Variants in MAJIN observed in about 807,000 individuals in gnomAD.
MAJIN encodes the protein membrane-anchored junction protein.
Under a neutral mutation model 30.2 loss-of-function variants are expected in MAJIN, and 27 were observed. That is an observed-to-expected ratio of 0.89 (90% CI 0.66 to 1.23). The LOEUF is 1.23. Ranked by LOEUF, MAJIN falls within the 50% of genes most tolerant of loss-of-function variation. The probability of loss-of-function intolerance (pLI) is 0.00; values close to 1 mark genes in which losing one functional copy is unlikely to be tolerated. For synonymous variants in MAJIN, 78 were observed against 91.6 expected (o/e 0.85, Z 0.85); for missense variants, 253 against 260.3 (o/e 0.97, Z 0.19).
chr11:64,939,692 C>T lies in MAJIN; in HGVS notation c.622G>A (p.Glu208Lys), dbSNP rs768291200. The T allele has an allele frequency of 2.8e-5, 45 of 1,613,864 alleles. No homozygotes were observed. The highest frequency in any genetic ancestry group is 2.5e-4 in the East Asian group (11 of 44,880). ...AAACCCAAAGAAGCCGGTGGCTGCT[C>T]GCTCCTTAGGTGGAGGTGAGTTGTG... ...CSTTHLHLRSEQPPASLGF is the reference protein window; with the variant it reads ...CSTTHLHLRSKQPPASLGF The change falls in exon 10 of 11, where the codon GAG (glutamate) becomes AAG (lysine). Residue 208 changes from glutamate to lysine, a missense_variant. Transcript: ENST00000301896.
chr11:64,962,998 G>A (rs1355133743), intron 1 of MAJIN, among the ~76,000 whole-genome samples: 8 of 152,074 alleles, frequency 5.3e-5, no homozygotes, highest in Non-Finnish European at 1.2e-4. Flanking sequence ...GTGGTGGGGG[G>A]CACCTGCAAT....
Position 64,959,440 on chromosome 11 carries a change from A to C in MAJIN, c.-17-18T>G, listed in dbSNP as rs1406057166. 6.4e-7 allele frequency: 1 copy of C among 1,572,618 alleles called. No homozygotes were observed. ...ACGATAGCCTAAATAAAATAGAAAG[A>C]GAATTACTAAAAAGCTAACGATTGT... On this transcript the variant is annotated intron_variant, in intron 2 of 10. Coordinates refer to ENST00000301896, the MANE Select transcript of MAJIN (RefSeq NM_001037225.3).
chr11:64,947,084 TAGTA>T (rs1808966975), intron 8 of MAJIN, among the ~76,000 whole-genome samples: 1 of 152,360 alleles, frequency 6.6e-6, no homozygotes, highest in African/African-American at 2.4e-5. Flanking sequence ...GATATTAACA[TAGTA>T]AGTATTATTG....
intron 1 of MAJIN, among the ~76,000 whole-genome samples, chr11:64,961,466 A>T (rs1362966006): frequency 1.3e-3 from 96 of 74,770 alleles, no homozygotes; most frequent in East Asian, 3.1e-3. Context: ...TGTGCCCGGC[A>T]ATTTTTTTTT....
In MAJIN at chr11:64,969,346, G is replaced by T. The variant is rs546105740; in HGVS notation, c.-65+2531C>A. Reference sequence around the variant, plus strand: ...GTGAAACTACTGGAATAGATGATGAGATCATCCAGGAAGAAATTATAGAGA... The same window carrying T: ...GTGAAACTACTGGAATAGATGATGATATCATCCAGGAAGAAATTATAGAGA... On this transcript the variant is annotated intron_variant, in intron 1 of 10. Coordinates refer to ENST00000301896, the MANE Select transcript of MAJIN (RefSeq NM_001037225.3). Among the ~76,000 whole-genome samples the T allele has an allele frequency of 3.6e-4, 55 of 151,926 alleles. No individual in the cohort carries two copies. The South Asian group carries it at 0.011, about 31-fold the overall frequency.
intron 1 of MAJIN, among the ~76,000 whole-genome samples, chr11:64,961,567 C>T (rs1945726519): frequency 6.7e-6 from 1 of 149,292 alleles, no homozygotes; most frequent in South Asian, 2.1e-4. Context: ...GCTCCACCTC[C>T]CAGGTTCACG....
chr11:64,965,223 C>T (rs1292041876), intron 1 of MAJIN, among the ~76,000 whole-genome samples: 1 of 152,156 alleles, frequency 6.6e-6, no homozygotes, highest in Non-Finnish European at 1.5e-5. Context: ...TAAAATGCCA[C>T]TTGTGCAGGA....
intron 3 of MAJIN, among the ~76,000 whole-genome samples, chr11:64,957,554 C>A (rs988698801): frequency 6.6e-6 from 1 of 152,112 alleles, no homozygotes; most frequent in East Asian, 1.9e-4. Context: ...CAGGTCTGCA[C>A]CACCATGCTC....
chr11:64,940,890 G>A (rs1401730406), intron 8 of MAJIN, among the ~76,000 whole-genome samples: 3 of 137,740 alleles, frequency 2.2e-5, no homozygotes, highest in East Asian at 4.4e-4. Context: ...CCAGGCTGGA[G>A]TGCAGTGGCG....
chr11:64,950,590 CTTT>C (rs1945537263), intron 4 of MAJIN, among the ~76,000 whole-genome samples, 160 bp from the exon 5 acceptor site: 4 of 151,900 alleles, frequency 2.6e-5, no homozygotes, highest in Non-Finnish European at 5.9e-5. Flanking sequence ...TTCTTTCTTT[CTTT>C]CTTTTTTTGA....
intron 3 of MAJIN, among the ~76,000 whole-genome samples, 183 bp from the exon 4 acceptor site, chr11:64,954,985 T>C (rs2136776301): frequency 6.6e-6 from 1 of 152,334 alleles, no homozygotes; most frequent in Admixed American, 6.5e-5. Flanking sequence ...GTCTGAACAT[T>C]GGTATAAAAT....
chr11:64,945,345 G>A (rs1206692), intron 8 of MAJIN, among the ~76,000 whole-genome samples: 5 of 151,994 alleles, frequency 3.3e-5, no homozygotes, highest in African/African-American at 9.6e-5. Context: ...GCGACAGAGC[G>A]AGACTGTGTC....
chr11:64,954,767 TG>T lies in MAJIN; in HGVS notation c.136del (p.Gln46ArgfsTer40). ...TGCTTCTTTCCCTACCTCCAGCTCC[TG>T]GGTGATGACTTCCTTATTTTCTATC... ...EEIENKEVIT[Q>X]ELEDSVRVVL... On this transcript the variant is annotated frameshift_variant, in exon 4 of 11. Transcript: ENST00000301896. LOFTEE classifies it high-confidence loss of function. 1 of 1,613,752 alleles carries T rather than the reference TG, an allele frequency of 6.2e-7. No homozygotes were observed. The highest frequency in any genetic ancestry group is 8.5e-7 in the Non-Finnish European group (1 of 1,179,786).
chr11:64,953,763 C>T (rs1198247757), intron 4 of MAJIN, among the ~76,000 whole-genome samples: 1 of 152,088 alleles, frequency 6.6e-6, no homozygotes, highest in East Asian at 1.9e-4. Context: ...TGCACTCCAG[C>T]CTGGTGACAG....
chr11:64,953,775 G>A (rs1945591088), intron 4 of MAJIN, among the ~76,000 whole-genome samples: 1 of 152,140 alleles, frequency 6.6e-6, no homozygotes, highest in Admixed American at 6.6e-5. Flanking sequence ...TGGTGACAGA[G>A]CGAAACTCCA....
intron 6 of MAJIN, among the ~76,000 whole-genome samples, chr11:64,948,813 C>T (rs1252044213): frequency 6.8e-6 from 1 of 147,812 alleles, no homozygotes; most frequent in Non-Finnish European, 1.5e-5. Flanking sequence ...CACACCACCA[C>T]GCCTGGCTAA....
intron 1 of MAJIN, among the ~76,000 whole-genome samples, chr11:64,969,798 C>A (rs1945869520): frequency 6.6e-6 from 1 of 151,900 alleles, no homozygotes; most frequent in South Asian, 2.1e-4. Context: ...TCAAGCGATT[C>A]TCCTCCCTCA....
rs1407362623 is a variant in MAJIN, at chr11:64,950,344, A to AG, written c.223+10_223+11insC. 6.4e-7 allele frequency: 1 copy of AG among 1,565,780 alleles called. No homozygotes were observed. The highest frequency in any genetic ancestry group is 1.4e-5 in the African/African-American group (1 of 72,030). ...GACTCCATCTCAAAAAAAAAAAAAA[A>AG]AAAAGGATACAGGGAAATACAATGA... On this transcript the variant is annotated intron_variant, in intron 5 of 10. Transcript: ENST00000301896.
At chr11:64,952,570 AACAG>A (rs1945570435) in intron 4 of MAJIN, among the ~76,000 whole-genome samples, 1 of 152,346 alleles carries the variant, frequency 6.6e-6, no homozygotes, top group East Asian at 1.9e-4. Flanking sequence ...CAGACGGGGA[AACAG>A]ACAAAGAGAG....
Sources: gnomAD v4.1 joint callset for allele counts (sites outside exome capture counted in the v4.1 genomes callset) on GRCh38, gnomAD v4.1.1 for gene constraint, MANE v1.5 for transcripts, NCBI Gene and HGNC (gene_info 2026-07-23, HGNC 2026-07-21) for gene names.